The following BCL11B variants were observed in gnomAD, a reference collection of about 807,000 sequenced individuals.
The protein encoded by BCL11B is BCL11 transcription factor B.
BCL11B carries 8 observed loss-of-function variants against 49.9 expected under a neutral mutation model. The observed-to-expected ratio is 0.16, with a 90% CI of 0.09 to 0.29. The LOEUF is 0.29. Among genes scored for constraint, BCL11B ranks in the 10% least tolerant of loss-of-function variants. The pLI, the probability that BCL11B is intolerant of heterozygous loss-of-function variation, is 1.00. For synonymous variants in BCL11B, 739 were observed against 637.4 expected (o/e 1.16, Z -2.40); for missense variants, 1,006 against 1,351.0 (o/e 0.74, Z 4.00).
At chr14:99,263,676 C>T (rs1326356934) in intron 1 of BCL11B, among the ~76,000 whole-genome samples, 1 of 152,180 alleles carries the variant, frequency 6.6e-6, no homozygotes, top group Non-Finnish European at 1.5e-5. Flanking sequence ...TCTATGGAGT[C>T]CAACCGCCTT....
chr14:99,217,371 T>TACACACACATACAGAC (rs1566814729), intron 3 of BCL11B, among the ~76,000 whole-genome samples: 1 of 145,106 alleles, frequency 6.9e-6, no homozygotes, highest in African/African-American at 2.6e-5. Context: ...AGTACAAATA[T>TACACACACATACAGAC]ACACACACAT....
rs547063331 is a variant in BCL11B, at chr14:99,173,999, G to A, written c.*152C>T. 15 of 694,086 alleles carry A rather than the reference G, an allele frequency of 2.2e-5. 1 individual carries two copies. The South Asian group carries it at 2.8e-4, about 13-fold the overall frequency. 43.0% of individuals were successfully genotyped at this position (694,086 alleles called of 1,614,324 possible). On this transcript the variant is annotated 3_prime_UTR_variant, in exon 4 of 4. Coordinates refer to ENST00000357195, the MANE Select transcript of BCL11B (RefSeq NM_138576.4). Reference sequence around the variant, plus strand: ...AACCCTCGGGTTTCCATAGGACTTCGCAGACACAGGTTAGGTTGGAGTGCC... The same window carrying A: ...AACCCTCGGGTTTCCATAGGACTTCACAGACACAGGTTAGGTTGGAGTGCC...
chr14:99,220,551 C>T (rs1310804759), intron 3 of BCL11B, among the ~76,000 whole-genome samples: 2 of 152,096 alleles, frequency 1.3e-5, no homozygotes, highest in Non-Finnish European at 2.9e-5. Flanking sequence ...TTCAGAGAGA[C>T]AGAACGGAGA....
intron 3 of BCL11B, among the ~76,000 whole-genome samples, chr14:99,230,575 C>T (rs939571343): frequency 6.6e-6 from 1 of 152,206 alleles, no homozygotes; most frequent in Admixed American, 6.5e-5. Context: ...TCCCAGAGAC[C>T]CTAGGCAGAA....
intron 3 of BCL11B, among the ~76,000 whole-genome samples, chr14:99,190,253 C>T (rs914268435): frequency 6.6e-6 from 1 of 152,178 alleles, no homozygotes; most frequent in African/African-American, 2.4e-5. Flanking sequence ...CTTTGGGAGG[C>T]CAAAGCGGGC....
rs753170969 is a variant in BCL11B at position 99,175,366 on chromosome 14, G to A, written c.1470C>T (p.Asp490=). The change falls in exon 4 of 4, where the codon GAC becomes GAT. Residue 490 remains aspartate, a synonymous_variant. Transcript: ENST00000357195. ...KAGSLAGRSD[D]GLSAASSPEP... The stretch of plus-strand genomic sequence containing the variant: ...CGGGGGAGCTGGCGGCCGAGAGCCC[G>A]TCGTCGGAGCGGCCGGCCAGCGAGC... 79 of 1,580,580 alleles carry A rather than the reference G, an allele frequency of 5.0e-5. No homozygotes were observed. The highest frequency in any genetic ancestry group is 6.2e-5 in the Non-Finnish European group (73 of 1,168,326).
At chr14:99,185,524 G>C (rs1886828541) in intron 3 of BCL11B, among the ~76,000 whole-genome samples, 2 of 151,634 alleles carry the variant, frequency 1.3e-5, no homozygotes, top group Non-Finnish European at 1.5e-5. Context: ...GCCAAGGAGG[G>C]AAAGGTCCGC....
chr14:99,203,928 C>A (rs1028518483), intron 3 of BCL11B, among the ~76,000 whole-genome samples: 2 of 152,146 alleles, frequency 1.3e-5, no homozygotes, highest in Non-Finnish European at 2.9e-5. Flanking sequence ...CCGCTCTGAG[C>A]CAAGGAGTGC....
intron 3 of BCL11B, among the ~76,000 whole-genome samples, chr14:99,224,526 C>T (rs1172292604): frequency 6.6e-6 from 1 of 152,202 alleles, no homozygotes; most frequent in Non-Finnish European, 1.5e-5. Context: ...TTTCCAAGAG[C>T]TAAGTCGTCA....
intron 2 of BCL11B, among the ~76,000 whole-genome samples, chr14:99,246,936 G>T (rs559955972): frequency 6.4e-4 from 98 of 152,300 alleles, no homozygotes; most frequent in African/African-American, 2.3e-3. Context: ...GGCGCCCAGA[G>T]GTTCGAAAGC....
At chr14:99,259,872 G>A (rs1372399459) in intron 1 of BCL11B, among the ~76,000 whole-genome samples, 3 of 152,204 alleles carry the variant, frequency 2.0e-5, no homozygotes, top group Non-Finnish European at 4.4e-5. Context: ...TTCTAGGGAA[G>A]ACTGGATTCC....
rs1566792325 is a variant in BCL11B, at chr14:99,174,223, T to C, written c.2613A>G (p.Lys871=). The change falls in exon 4 of 4, where the codon AAA becomes AAG. Residue 871 remains lysine (K), a synonymous_variant. Coordinates refer to ENST00000357195, the MANE Select transcript of BCL11B (RefSeq NM_138576.4). ...GCTCGCCGTGCCACTTTTTCATGTG[T>C]TTCTCCAGGGTGCTGTAGACGCTGA... ...MPFSVYSTLE[K]HMKKWHGEHL... is the part of the protein sequence containing the mutation. The C allele has an allele frequency of 1.2e-6, 2 of 1,613,914 alleles. No individual in the cohort carries two copies. Among genetic ancestry groups the C allele is most frequent in the Middle Eastern group, 1.6e-4 (1 of 6,062 alleles).
At chr14:99,214,671 AAAAT>A (rs575159102) in intron 3 of BCL11B, among the ~76,000 whole-genome samples, 10 of 151,540 alleles carry the variant, frequency 6.6e-5, no homozygotes, top group African/African-American at 1.7e-4. Context: ...AAATATTAAA[AAAAT>A]AAATAAATAA....
chr14:99,255,138 G>A (rs1889120184), intron 2 of BCL11B, among the ~76,000 whole-genome samples: 1 of 152,146 alleles, frequency 6.6e-6, no homozygotes, highest in South Asian at 2.1e-4. Flanking sequence ...GGAGGAATGG[G>A]AACTAGAAGG....
At chr14:99,222,014 T>A (rs1176411472) in intron 3 of BCL11B, among the ~76,000 whole-genome samples, 1 of 152,186 alleles carries the variant, frequency 6.6e-6, no homozygotes. Context: ...CCACCGAGGG[T>A]TCCGTCCCAC....
chr14:99,239,358 C>T (rs1888597892), intron 2 of BCL11B, among the ~76,000 whole-genome samples: 1 of 152,214 alleles, frequency 6.6e-6, no homozygotes, highest in Admixed American at 6.5e-5. Context: ...AGGCAGGCTG[C>T]AAACCGAAGT....
intron 1 of BCL11B, chr14:99,264,424 C>T (rs1889423737): frequency 6.6e-6 from 1 of 151,778 alleles, no homozygotes; most frequent in South Asian, 2.1e-4. Flanking sequence ...GAACATTTCA[C>T]AAATGTATTT....
Position 99,173,152 on chromosome 14 carries a change from T to G in BCL11B, c.*999A>C, listed in dbSNP as rs933452314. On this transcript the variant is annotated 3_prime_UTR_variant, in exon 4 of 4. Transcript: ENST00000357195. ...TAAAAGAACACCGCTAGTTTCTTCC[T>G]TTCTGTGTCACTGCAGGCCACCCCA... 1.3e-5 allele frequency: 3 copies of G among 230,832 alleles called. No homozygotes were observed. Among genetic ancestry groups the G allele is most frequent in the African/African-American group, 6.6e-5 (3 of 45,200 alleles). 14.3% of individuals were successfully genotyped at this position (230,832 alleles called of 1,614,324 possible). A position where few individuals can be genotyped will look rare whatever the true frequency, so the allele number is the denominator to read the frequency against.
chr14:99,190,701 A>G (rs1169417194), intron 3 of BCL11B, among the ~76,000 whole-genome samples: 3 of 152,246 alleles, frequency 2.0e-5, no homozygotes. Flanking sequence ...ATTTCTCAAA[A>G]GCATCCATTC....
Sources: allele counts gnomAD v4.1 joint callset (sites outside exome capture counted in the v4.1 genomes callset), GRCh38; gene constraint gnomAD v4.1.1; transcripts MANE v1.5; gene names NCBI Gene and HGNC (gene_info 2026-07-23, HGNC 2026-07-21).